TMEM266: variants seen among roughly 807,000 people sequenced by gnomAD.
TMEM266 encodes the protein transmembrane protein 266.
TMEM266 carries 33 observed loss-of-function variants against 50.5 expected under a neutral mutation model. That is an observed-to-expected ratio of 0.65 (90% confidence interval 0.50 to 0.87). The LOEUF is 0.87. Among genes scored for constraint, TMEM266 ranks in the 40% least tolerant of loss-of-function variants. TMEM266 has a pLI of 0.00. For synonymous variants in TMEM266, 310 were observed against 292.3 expected, an observed-to-expected ratio of 1.06 and a Z score of -0.62; for missense variants, 655 against 695.1, an observed-to-expected ratio of 0.94 and a Z score of 0.65.
chr15:76,077,578 GCAGTAAATAC>G (rs2036624111), intron 1 of TMEM266, among the ~76,000 whole-genome samples: 2 of 152,068 alleles, frequency 1.3e-5, no homozygotes, highest in Non-Finnish European at 2.9e-5. Context: ...TATCAGATGG[GCAGTAAATAC>G]CATCACAAGA....
intron 1 of TMEM266, among the ~76,000 whole-genome samples, chr15:76,131,138 A>G (rs1036244585): frequency 6.6e-6 from 1 of 152,176 alleles, no homozygotes. Flanking sequence ...GCACTTTGTG[A>G]GGCTGAGGTG....
At chr15:76,166,697 AG>A (rs1263643255) in intron 5 of TMEM266, among the ~76,000 whole-genome samples, 1 of 152,170 alleles carries the variant, frequency 6.6e-6, no homozygotes, top group Non-Finnish European at 1.5e-5. Context: ...AGCTAAGAAG[AG>A]TGTTGTTTCT....
rs971975411 is a variant in TMEM266 at position 76,203,909 on chromosome 15, C to T, written c.1190C>T (p.Ala397Val). ...GCCTCCCGCAGCTCAGTCACCCGGGCCCAGAGTGACAGCAGCCAGACGCTG... is the reference window on the plus strand; with the variant it reads ...GCCTCCCGCAGCTCAGTCACCCGGGTCCAGAGTGACAGCAGCCAGACGCTG... Residue 397 changes from alanine to valine, a missense_variant, in exon 11 of 11, where the codon GCC (alanine) becomes GTC (valine). By Grantham distance (64) the Ala-to-Val change is moderately conservative. Coordinates refer to ENST00000388942, the MANE Select transcript of TMEM266 (RefSeq NM_152335.3). 1 of 1,614,122 alleles carries T rather than the reference C, an allele frequency of 6.2e-7. No individual in the cohort carries two copies. The highest frequency in any genetic ancestry group is 1.1e-5 in the South Asian group (1 of 91,082).
Position 76,075,837 on chromosome 15 carries a change from C to CTTTTTTTTTT in TMEM266, c.-97+15849_-97+15858dup, listed in dbSNP as rs71140194. Among the ~76,000 whole-genome samples the CTTTTTTTTTT allele has an allele frequency of 1.7e-4, 4 of 23,596 alleles. 2 individuals are homozygous for CTTTTTTTTTT. The highest frequency in any genetic ancestry group is 3.6e-4 in the Non-Finnish European group (4 of 11,154). The allele number at this position is 23,596 out of a possible 152,430, so 15.5% of individuals were successfully genotyped here. A position where few individuals can be genotyped will look rare whatever the true frequency, so the allele number is the denominator to read the frequency against. On this transcript the variant is annotated intron_variant, in intron 1 of 10. Transcript: ENST00000388942. ...CTGGAGGAGAATGAAGAGAAGGCAG[C>CTTTTTTTTTT]TTTTTTTTTTTTTTTTTTTTTTTTT... is the stretch of plus-strand genomic sequence containing the variant.
chr15:76,083,808 C>T (rs1033855550), intron 1 of TMEM266, among the ~76,000 whole-genome samples: 3 of 151,980 alleles, frequency 2.0e-5, no homozygotes, highest in Non-Finnish European at 4.4e-5. Flanking sequence ...AGTGTCTGTC[C>T]GGTGGTGGGC....
intron 8 of TMEM266, among the ~76,000 whole-genome samples, chr15:76,184,947 C>G (rs16967957): frequency 6.6e-6 from 1 of 152,076 alleles, no homozygotes; most frequent in Non-Finnish European, 1.5e-5. Context: ...TTTTTCCCAC[C>G]GGGCCCATTT....
chr15:76,131,453 C>T (rs2037509036), intron 1 of TMEM266, among the ~76,000 whole-genome samples: 1 of 152,224 alleles, frequency 6.6e-6, no homozygotes, highest in Non-Finnish European at 1.5e-5. Flanking sequence ...GCTCACCTGG[C>T]TTCCCATTTA....
chr15:76,060,725 C>G (rs2036284970), intron 1 of TMEM266, among the ~76,000 whole-genome samples: 1 of 152,186 alleles, frequency 6.6e-6, no homozygotes, highest in South Asian at 2.1e-4. Context: ...CTTGCATACT[C>G]AAACTCATTA....
chr15:76,203,910 C>G lies in TMEM266; in HGVS notation c.1191C>G (p.Ala397=). ...CCTCCCGCAGCTCAGTCACCCGGGC[C>G]CAGAGTGACAGCAGCCAGACGCTGG... The change falls in exon 11 of 11, where the codon GCC becomes GCG. Residue 397 remains alanine (A), a synonymous_variant. Coordinates refer to ENST00000388942, the MANE Select transcript of TMEM266 (RefSeq NM_152335.3). The G allele has an allele frequency of 6.2e-7, 1 of 1,614,152 alleles. No homozygotes were observed. The highest frequency in any genetic ancestry group is 8.5e-7 in the Non-Finnish European group (1 of 1,180,042).
At chr15:76,090,056 C>T (rs912857086) in intron 1 of TMEM266, among the ~76,000 whole-genome samples, 5 of 152,086 alleles carry the variant, frequency 3.3e-5, no homozygotes, top group Admixed American at 6.6e-5. Flanking sequence ...TTTTGAAATT[C>T]GTGTGTGACA....
At chr15:76,068,182 A>G (rs781201104) in intron 1 of TMEM266, among the ~76,000 whole-genome samples, 2 of 152,230 alleles carry the variant, frequency 1.3e-5, no homozygotes, top group Non-Finnish European at 2.9e-5. Flanking sequence ...AGTGACAGTT[A>G]AAATACATGC....
chr15:76,163,369 T>C (rs577267473), intron 5 of TMEM266, among the ~76,000 whole-genome samples: 8 of 152,130 alleles, frequency 5.3e-5, no homozygotes, highest in Admixed American at 2.0e-4. Context: ...AGACAGATGC[T>C]CTCAAAGCAG....
At chr15:76,078,341 G>C (rs774010119) in intron 1 of TMEM266, among the ~76,000 whole-genome samples, 5 of 151,948 alleles carry the variant, frequency 3.3e-5, no homozygotes, top group Non-Finnish European at 7.4e-5. Context: ...TTCAATACTG[G>C]AATAAAAGCC....
intron 1 of TMEM266, among the ~76,000 whole-genome samples, chr15:76,072,259 A>G (rs1349812861): frequency 6.6e-6 from 1 of 151,794 alleles, no homozygotes; most frequent in Non-Finnish European, 1.5e-5. Flanking sequence ...ACCAACATGG[A>G]AAAACCCCGT....
At position 76,168,337 on chromosome 15, in the gene TMEM266, T is replaced by G. The variant is rs2038129858; in HGVS notation, c.457-1479T>G. Among the ~76,000 whole-genome samples, 1 of 152,250 alleles carries G rather than the reference T, an allele frequency of 6.6e-6. No homozygotes were observed. Among genetic ancestry groups the G allele is most frequent in the Non-Finnish European group, 1.5e-5 (1 of 68,042 alleles). On this transcript the variant is annotated intron_variant, in intron 5 of 10. Transcript: ENST00000388942. The surrounding 1 kb of genome is among the most constrained non-coding windows in gnomAD (Gnocchi z 4.4). Reference sequence around the variant, plus strand: ...CATCCCTTCACAGAAATCAAGATTGTCCTTCACGAGAAAGAGCTGGATTTT... The same window carrying G: ...CATCCCTTCACAGAAATCAAGATTGGCCTTCACGAGAAAGAGCTGGATTTT...
rs2037997996 is a variant in TMEM266 at position 76,160,274 on chromosome 15, A to G, written c.456+106A>G. 8.8e-7 allele frequency: 1 copy of G among 1,139,140 alleles called. No homozygotes were observed. The highest frequency in any genetic ancestry group is 1.5e-5 in the African/African-American group (1 of 65,252). 70.6% of individuals were successfully genotyped at this position (1,139,140 alleles called of 1,614,324 possible). On this transcript the variant is annotated intron_variant, in intron 5 of 10. Coordinates refer to ENST00000388942, the MANE Select transcript of TMEM266 (RefSeq NM_152335.3). The surrounding 1 kb of genome is among the most constrained non-coding windows in gnomAD (Gnocchi z 5.7). ...GGTTTCTAGCATCAGGTCCCCTGCT[A>G]GCCCTTGAGGCTGCTGGGAGGGAGA...
In TMEM266 at chr15:76,066,270, A is replaced by T. The variant is rs549135385; in HGVS notation, c.-97+6254A>T. 5.1e-4 allele frequency among the ~76,000 whole-genome samples: 77 copies of T among 152,250 alleles called. 1 individual carries two copies. The highest frequency in any genetic ancestry group is 8.7e-4 in the Non-Finnish European group (59 of 68,022). On this transcript the variant is annotated intron_variant, in intron 1 of 10. Coordinates refer to ENST00000388942, the MANE Select transcript of TMEM266 (RefSeq NM_152335.3). ...GGAGCTCATGTAAGCTTGATACGGG[A>T]TAATTAAGTCAACACCACAGGGAGA...
intron 1 of TMEM266, among the ~76,000 whole-genome samples, chr15:76,075,330 G>A (rs1383889279): frequency 3.9e-5 from 6 of 152,142 alleles, no homozygotes; most frequent in Non-Finnish European, 8.8e-5. Flanking sequence ...AGACCCAGAG[G>A]AGGAAATTGA....
At chr15:76,129,051 A>T (rs546491496) in intron 1 of TMEM266, among the ~76,000 whole-genome samples, 2 of 145,884 alleles carry the variant, frequency 1.4e-5, no homozygotes, top group Non-Finnish European at 3.0e-5. Flanking sequence ...ACCATACCTT[A>T]GGCTAATCCA....
Sources: allele counts gnomAD v4.1 joint callset (sites outside exome capture counted in the v4.1 genomes callset), GRCh38; gene constraint gnomAD v4.1.1; non-coding constraint Gnocchi (gnomAD v3.1); transcripts MANE v1.5; gene names NCBI Gene and HGNC (gene_info 2026-07-23, HGNC 2026-07-21).